The following KHDRBS2 variants were observed in gnomAD, a reference collection of about 807,000 sequenced individuals.
KHDRBS2 encodes the protein KH RNA binding domain containing, signal transduction associated 2.
KHDRBS2 carries 26 observed loss-of-function variants against 44.3 expected under a neutral mutation model. The ratio of observed to expected loss-of-function variants is 0.59; its 90% CI spans 0.43 to 0.81. The LOEUF (loss-of-function observed/expected upper bound fraction) is 0.81, where lower values mean the gene tolerates loss of function less well. Ranked by LOEUF, KHDRBS2 falls within the 40% of genes least tolerant of loss-of-function variation. The probability of loss-of-function intolerance (pLI) is 0.00; values close to 1 mark genes in which losing one functional copy is unlikely to be tolerated. For missense variants in KHDRBS2, 476 were observed against 433.1 expected, an observed-to-expected ratio of 1.10 and a Z score of -0.88; for synonymous variants, 194 against 151.1, an observed-to-expected ratio of 1.28 and a Z score of -2.08.
intron 3 of KHDRBS2, among the ~76,000 whole-genome samples, chr6:62,038,089 A>G (rs556997739): frequency 1.9e-4 from 29 of 152,144 alleles, no homozygotes; most frequent in Non-Finnish European, 3.5e-4. Flanking sequence ...TATTCACATG[A>G]AATGCCTCGT....
chr6:61,722,063 TTA>T (rs942598912), intron 7 of KHDRBS2, among the ~76,000 whole-genome samples: 195 of 152,080 alleles, frequency 1.3e-3, no homozygotes, highest in African/African-American at 4.6e-3. Flanking sequence ...TTGGTTCTGT[TTA>T]TATGCTGGAT....
chr6:61,921,664 C>T (rs1306150680), intron 4 of KHDRBS2, among the ~76,000 whole-genome samples: 2 of 151,930 alleles, frequency 1.3e-5, no homozygotes, highest in Admixed American at 6.6e-5. Flanking sequence ...AGACAGAACT[C>T]ATTCTTTTTA....
the KHDRBS2 span, among the ~76,000 whole-genome samples, chr6:61,565,990 G>T: frequency 7.9e-6 from 1 of 125,850 alleles, no homozygotes; most frequent in Admixed American, 9.0e-5. Context: ...TATGGGTAAA[G>T]AAAATGTGGT....
At chr6:62,099,798 C>T (rs1801451196) in intron 2 of KHDRBS2, among the ~76,000 whole-genome samples, 1 of 152,214 alleles carries the variant, frequency 6.6e-6, no homozygotes, top group Non-Finnish European at 1.5e-5. Context: ...AGGACCACCA[C>T]TCATTGACAA....
chr6:62,106,004 T>C (rs1450487119), intron 2 of KHDRBS2, among the ~76,000 whole-genome samples: 2 of 152,262 alleles, frequency 1.3e-5, no homozygotes, highest in African/African-American at 2.4e-5. Flanking sequence ...TTTCAAAGAA[T>C]ATCTTTATTT....
chr6:61,710,870 A>T (rs555647304), intron 7 of KHDRBS2, among the ~76,000 whole-genome samples: 13 of 137,508 alleles, frequency 9.5e-5, no homozygotes, highest in Non-Finnish European at 2.0e-4. Flanking sequence ...CATAAGCATT[A>T]TAAGGATGTT....
intron 6 of KHDRBS2, among the ~76,000 whole-genome samples, chr6:61,846,501 T>C (rs920622086): frequency 4.6e-5 from 7 of 152,158 alleles, no homozygotes; most frequent in Admixed American, 3.3e-4. Context: ...CTCAGAAAAG[T>C]CTGCCCTGAG....
the KHDRBS2 span, among the ~76,000 whole-genome samples, chr6:61,609,030 G>A: frequency 6.6e-6 from 1 of 152,118 alleles, no homozygotes; most frequent in African/African-American, 2.4e-5. Flanking sequence ...TTCCACAATG[G>A]CTGAACTAAT....
intron 2 of KHDRBS2, among the ~76,000 whole-genome samples, chr6:62,069,412 G>A (rs1794476985): frequency 6.6e-6 from 1 of 151,720 alleles, no homozygotes; most frequent in Non-Finnish European, 1.5e-5. Context: ...GCAGGCAACT[G>A]CAGCTACAGG....
At chr6:61,993,718 T>C (rs955087127) in intron 3 of KHDRBS2, among the ~76,000 whole-genome samples, 2 of 146,272 alleles carry the variant, frequency 1.4e-5, no homozygotes, top group African/African-American at 2.5e-5. Flanking sequence ...TGCTTGCTCC[T>C]GGTGCTAACA....
chr6:61,637,444 T>C, the KHDRBS2 span, among the ~76,000 whole-genome samples: 1 of 152,162 alleles, frequency 6.6e-6, no homozygotes, highest in Non-Finnish European at 1.5e-5. Flanking sequence ...TGTTGGACAT[T>C]TGGGTTGGTT....
intron 1 of KHDRBS2, among the ~76,000 whole-genome samples, chr6:62,237,617 A>G (rs1585349241): frequency 6.6e-6 from 1 of 152,204 alleles, no homozygotes; most frequent in African/African-American, 2.4e-5. Context: ...GAAGATTATA[A>G]AAGTATTTTA....
chr6:62,072,728 C>T (rs904307742), intron 2 of KHDRBS2, among the ~76,000 whole-genome samples: 1 of 152,116 alleles, frequency 6.6e-6, no homozygotes, highest in African/African-American at 2.4e-5. Flanking sequence ...TGATGTGCTG[C>T]TGGATTCGGT....
chr6:61,623,963 G>A, the KHDRBS2 span, among the ~76,000 whole-genome samples: 1 of 152,180 alleles, frequency 6.6e-6, no homozygotes, highest in African/African-American at 2.4e-5. Flanking sequence ...TTGTAGGAGA[G>A]GAAGAGTGTC....
At chr6:61,771,722 A>T (rs1780943375) in intron 6 of KHDRBS2, among the ~76,000 whole-genome samples, 1 of 152,134 alleles carries the variant, frequency 6.6e-6, no homozygotes, top group African/African-American at 2.4e-5. Flanking sequence ...ACTTAGACTC[A>T]CACACAATAA....
intron 2 of KHDRBS2, among the ~76,000 whole-genome samples, chr6:62,090,526 C>T (rs1273552293): frequency 6.6e-6 from 1 of 151,728 alleles, no homozygotes; most frequent in East Asian, 1.9e-4. Context: ...AATTCTCTAC[C>T]TCCCAATAAC....
rs555769205 is a variant in KHDRBS2, at chr6:61,921,728, T to C, written c.484-20357A>G. Among the ~76,000 whole-genome samples, 43 of 152,146 alleles carry C rather than the reference T, an allele frequency of 2.8e-4. No individual in the cohort carries two copies. The South Asian group carries it at 2.9e-3, about 10-fold the overall frequency. ...TGTAGTTCACTAATACATTCGATTATTTATTTATGGATGTTTTAGAGTTTT... is the reference window on the plus strand; with the variant it reads ...TGTAGTTCACTAATACATTCGATTACTTATTTATGGATGTTTTAGAGTTTT... On this transcript the variant is annotated intron_variant, in intron 4 of 8. Transcript: ENST00000281156.
Position 62,004,484 on chromosome 6 carries a change from C to A in KHDRBS2, c.337-26272G>T, listed in dbSNP as rs1029807340. Among the ~76,000 whole-genome samples, 22 of 152,084 alleles carry A rather than the reference C, an allele frequency of 1.4e-4. 1 individual carries two copies. The East Asian group carries it at 1.9e-3, about 13-fold the overall frequency. ...GGAAGACATTGAATCCCTGAATAGA[C>A]CAATAACAGACTTTAAAATTGAGGC... On this transcript the variant is annotated intron_variant, in intron 3 of 8. Coordinates refer to ENST00000281156, the MANE Select transcript of KHDRBS2 (RefSeq NM_152688.4).
At chr6:62,011,985 G>T (rs999109410) in intron 3 of KHDRBS2, among the ~76,000 whole-genome samples, 3 of 152,014 alleles carry the variant, frequency 2.0e-5, no homozygotes, top group Non-Finnish European at 4.4e-5. Flanking sequence ...AAAGTGGTAG[G>T]GTTATTTACA....
Sources: allele counts gnomAD v4.1 joint callset (sites outside exome capture counted in the v4.1 genomes callset), GRCh38; gene constraint gnomAD v4.1.1; transcripts MANE v1.5; gene names NCBI Gene and HGNC (gene_info 2026-07-23, HGNC 2026-07-21).